Variants in LRFN2 observed in about 807,000 individuals in gnomAD.
The protein encoded by LRFN2 is leucine-rich repeat and fibronectin type-III domain-containing protein 2.
In LRFN2, 18 loss-of-function variants were observed where a neutral mutation model predicts 37.3. The ratio of observed to expected loss-of-function variants is 0.48; its 90% CI spans 0.33 to 0.72. LRFN2 has a LOEUF of 0.72. Among genes scored for constraint, LRFN2 ranks in the 30% least tolerant of loss-of-function variants. The pLI, the probability that LRFN2 is intolerant of heterozygous loss-of-function variation, is 0.02. For missense variants in LRFN2, 1,006 were observed against 1,060.7 expected (o/e 0.95, Z 0.72); for synonymous variants, 556 against 466.6 (o/e 1.19, Z -2.47).
intron 1 of LRFN2, chr6:40,523,682 C>A (rs892397402): frequency 1.3e-4 from 20 of 152,142 alleles, no homozygotes; most frequent in African/African-American, 4.3e-4. Flanking sequence ...GAAATAAGTT[C>A]TATCATTGGC....
chr6:40,497,783 C>T lies in LRFN2; in HGVS notation c.-18-64652G>A, dbSNP rs866386602. Among the ~76,000 whole-genome samples, 4 of 152,222 alleles carry T rather than the reference C, an allele frequency of 2.6e-5. No individual in the cohort carries two copies. In the South Asian group the frequency reaches 8.3e-4, roughly 32 times the overall value. ...GTCTTCCCCAGGATTGATGCATGGC[C>T]TTTGCAGAGAGGGCCTTGGGCTCCC... is the stretch of plus-strand genomic sequence containing the variant. On this transcript the variant is annotated intron_variant, in intron 1 of 2. Transcript: ENST00000338305.
chr6:40,417,183 C>G (rs1325835657), intron 2 of LRFN2, among the ~76,000 whole-genome samples: 2 of 152,162 alleles, frequency 1.3e-5, no homozygotes, highest in African/African-American at 4.8e-5. Flanking sequence ...AGCAAAGCAG[C>G]CTTGGGAAGC....
At chr6:40,403,846 A>G (rs969169310) in intron 2 of LRFN2, among the ~76,000 whole-genome samples, 49 of 152,112 alleles carry the variant, frequency 3.2e-4, no homozygotes, top group Admixed American at 1.4e-3. Flanking sequence ...TCATGTAGTC[A>G]AAGTCCTCAC....
chr6:40,392,891 C>T lies in LRFN2; in HGVS notation c.1422G>A (p.Lys474=). The T allele has an allele frequency of 6.2e-7, 1 of 1,610,400 alleles. No individual in the cohort carries two copies. The highest frequency in any genetic ancestry group is 8.5e-7 in the Non-Finnish European group (1 of 1,178,310). Residue 474 remains lysine (K), a synonymous_variant, in exon 3 of 3, where the codon AAG becomes AAA. Coordinates refer to ENST00000338305, the MANE Select transcript of LRFN2 (RefSeq NM_020737.3). This position sits in a 1 kb window ranked among gnomAD's most constrained non-coding sequence, Gnocchi z 4.7. ...LIYRMIPASN[K]AFVVNNLVSG... ...ACACCAGGTTGTTGACCACGAAGGC[C>T]TTGTTGGAGGCTGGGATCATCCTGG...
chr6:40,478,894 A>T (rs1764765013), intron 1 of LRFN2, among the ~76,000 whole-genome samples: 1 of 152,258 alleles, frequency 6.6e-6, no homozygotes, highest in African/African-American at 2.4e-5. Context: ...GGTTTCAACA[A>T]ATAAACTAAA....
At chr6:40,491,608 G>A (rs1335167940) in intron 1 of LRFN2, among the ~76,000 whole-genome samples, 1 of 147,330 alleles carries the variant, frequency 6.8e-6, no homozygotes, top group Non-Finnish European at 1.5e-5. Context: ...CTGTGGGTAG[G>A]TAGGCAGCTT....
At chr6:40,412,314 G>T (rs921844169) in intron 2 of LRFN2, among the ~76,000 whole-genome samples, 5 of 152,164 alleles carry the variant, frequency 3.3e-5, no homozygotes, top group African/African-American at 4.8e-5. Context: ...TATTTTGAGG[G>T]ATCCCTTTGA....
chr6:40,512,538 G>A (rs1434051633), intron 1 of LRFN2, among the ~76,000 whole-genome samples: 2 of 152,168 alleles, frequency 1.3e-5, no homozygotes, highest in Admixed American at 6.5e-5. Flanking sequence ...CCCCAGGCCA[G>A]GCCAAGCCAG....
intron 1 of LRFN2, among the ~76,000 whole-genome samples, chr6:40,524,999 G>A (rs1452170399): frequency 6.6e-6 from 1 of 152,230 alleles, no homozygotes; most frequent in Non-Finnish European, 1.5e-5. Flanking sequence ...ACATTGCTGT[G>A]TGACTTTAGG....
At chr6:40,425,856 C>G (rs1430219716) in intron 2 of LRFN2, among the ~76,000 whole-genome samples, 2 of 152,240 alleles carry the variant, frequency 1.3e-5, no homozygotes, top group Non-Finnish European at 2.9e-5. Context: ...CTGTTTTATA[C>G]AGCCTAATTC....
At chr6:40,551,473 A>G (rs1561904718) in intron 1 of LRFN2, among the ~76,000 whole-genome samples, 1 of 152,208 alleles carries the variant, frequency 6.6e-6, no homozygotes, top group Non-Finnish European at 1.5e-5. Context: ...TTTCAAATAC[A>G]TGAACCAAAT....
chr6:40,497,064 T>G (rs907744730), intron 1 of LRFN2, among the ~76,000 whole-genome samples: 12 of 152,212 alleles, frequency 7.9e-5, no homozygotes, highest in African/African-American at 2.9e-4. Context: ...GTCCCTCACC[T>G]GGCTCTGCCA....
chr6:40,453,459 C>T (rs1420960761), intron 1 of LRFN2, among the ~76,000 whole-genome samples: 1 of 151,512 alleles, frequency 6.6e-6, no homozygotes, highest in Non-Finnish European at 1.5e-5. Flanking sequence ...GCCAGGCCCA[C>T]CACCACCCAC....
intron 1 of LRFN2, among the ~76,000 whole-genome samples, chr6:40,565,524 T>A (rs1767071686): frequency 6.6e-6 from 1 of 152,174 alleles, no homozygotes; most frequent in East Asian, 1.9e-4. Context: ...ATGGTATTGG[T>A]ACCAAAACAG....
intron 2 of LRFN2, among the ~76,000 whole-genome samples, chr6:40,419,488 C>T (rs568868766): frequency 1.3e-5 from 2 of 152,302 alleles, no homozygotes; most frequent in African/African-American, 2.4e-5. Context: ...CAGTCCTGCC[C>T]AGCCCAGCCC....
At chr6:40,483,725 G>T (rs1042636303) in intron 1 of LRFN2, among the ~76,000 whole-genome samples, 8 of 152,184 alleles carry the variant, frequency 5.3e-5, no homozygotes, top group Admixed American at 2.0e-4. Flanking sequence ...GAAGGGGGAA[G>T]GAAGATTACC....
intron 1 of LRFN2, among the ~76,000 whole-genome samples, chr6:40,563,331 G>A (rs1767034021): frequency 6.6e-6 from 1 of 152,200 alleles, no homozygotes; most frequent in Admixed American, 6.5e-5. Context: ...GGGCCAATGA[G>A]CTCCTTCTGC....
At chr6:40,578,878 C>A (rs762460475) in intron 1 of LRFN2, among the ~76,000 whole-genome samples, 5 of 152,156 alleles carry the variant, frequency 3.3e-5, no homozygotes, top group African/African-American at 4.8e-5. Context: ...GAACACAATG[C>A]AAATCCTACA....
At chr6:40,533,651 C>T (rs999996900) in intron 1 of LRFN2, among the ~76,000 whole-genome samples, 6 of 152,154 alleles carry the variant, frequency 3.9e-5, no homozygotes, top group Non-Finnish European at 5.9e-5. Flanking sequence ...CTGCTTTGGA[C>T]ACAAAATAAA....
Sources: gnomAD v4.1 joint callset for allele counts (sites outside exome capture counted in the v4.1 genomes callset) on GRCh38, gnomAD v4.1.1 for gene constraint, Gnocchi (gnomAD v3.1) non-coding constraint, MANE v1.5 for transcripts, NCBI Gene and HGNC (gene_info 2026-07-23, HGNC 2026-07-21) for gene names.